Variants in SNAP91 observed in about 807,000 individuals in gnomAD.
The protein encoded by SNAP91 is synaptosome associated protein 91.
A neutral mutation model predicts 100.3 loss-of-function variants in SNAP91; 27 were observed. The ratio of observed to expected loss-of-function variants is 0.27; its 90% CI spans 0.20 to 0.37. SNAP91 has a LOEUF of 0.37. SNAP91 is among the 10% of genes least tolerant of loss of function. The probability of loss-of-function intolerance (pLI) is 1.00; values close to 1 mark genes in which losing one functional copy is unlikely to be tolerated. For synonymous variants in SNAP91, 404 were observed against 398.6 expected, an observed-to-expected ratio of 1.01 and a Z score of -0.16; for missense variants, 986 against 1,123.7, an observed-to-expected ratio of 0.88 and a Z score of 1.75.
chr6:83,665,919 T>C (rs1322229979), intron 2 of SNAP91, among the ~76,000 whole-genome samples: 1 of 152,128 alleles, frequency 6.6e-6, no homozygotes, highest in Non-Finnish European at 1.5e-5. Flanking sequence ...TCTTTGTTAC[T>C]GCTATAAGCA....
At chr6:83,659,452 T>A (rs2098486722) in intron 5 of SNAP91, among the ~76,000 whole-genome samples, 1 of 146,082 alleles carries the variant, frequency 6.8e-6, no homozygotes, top group Non-Finnish European at 1.5e-5. Flanking sequence ...TTTGAGACAG[T>A]CTCACTCTGT....
chr6:83,615,247 C>CA (rs1182634489), intron 10 of SNAP91, among the ~76,000 whole-genome samples: 2 of 152,090 alleles, frequency 1.3e-5, no homozygotes, highest in African/African-American at 2.4e-5. Context: ...ATAGATTTAA[C>CA]AAAAAACAAG....
chr6:83,582,716 CATAAT>C (rs1438542023), intron 22 of SNAP91, among the ~76,000 whole-genome samples: 1 of 152,170 alleles, frequency 6.6e-6, no homozygotes, highest in African/African-American at 2.4e-5. Flanking sequence ...TTCTTCAAAT[CATAAT>C]ATCCGGTTTC....
intron 11 of SNAP91, among the ~76,000 whole-genome samples, chr6:83,614,498 T>G (rs1053306347): frequency 6.6e-6 from 1 of 152,180 alleles, no homozygotes; most frequent in Non-Finnish European, 1.5e-5. Flanking sequence ...TTTAAGTAAT[T>G]AATTTTCTTT....
intron 21 of SNAP91, among the ~76,000 whole-genome samples, chr6:83,591,545 A>C (rs1468563748): frequency 6.6e-6 from 1 of 152,190 alleles, no homozygotes; most frequent in Non-Finnish European, 1.5e-5. Context: ...TTTTCTAAGA[A>C]TAAAATTTTT....
intron 11 of SNAP91, among the ~76,000 whole-genome samples, chr6:83,611,724 T>C (rs1340737609): frequency 6.6e-6 from 1 of 150,550 alleles, no homozygotes; most frequent in Non-Finnish European, 1.5e-5. Context: ...TGAGACGGAG[T>C]CTCACTCTGT....
intron 7 of SNAP91, among the ~76,000 whole-genome samples, chr6:83,653,115 G>A (rs139617330): frequency 1.5e-3 from 222 of 152,240 alleles, no homozygotes; most frequent in Admixed American, 0.012. Flanking sequence ...TCCTGGATAT[G>A]TGGTTTGATG....
rs138153699 is a variant in SNAP91, at chr6:83,681,547, T to C, written c.131-15966A>G. ...GAAGATTCATCTATAGTTTACAACATGACAAAGATTACTAGCCAGCTCAGA... is the reference window on the plus strand; with the variant it reads ...GAAGATTCATCTATAGTTTACAACACGACAAAGATTACTAGCCAGCTCAGA... On this transcript the variant is annotated intron_variant, in intron 2 of 29. Coordinates refer to ENST00000369694, the MANE Select transcript of SNAP91 (RefSeq NM_001242792.2). Among the ~76,000 whole-genome samples, 1,104 of 151,874 alleles carry C rather than the reference T, an allele frequency of 7.3e-3. 6 individuals are homozygous for C. Among genetic ancestry groups the C allele is most frequent in the African/African-American group, 0.025 (1,028 of 41,422 alleles).
intron 16 of SNAP91, 89 bp from the exon 17 acceptor site, chr6:83,594,570 G>C (rs1562263547): frequency 6.4e-6 from 5 of 779,008 alleles, no homozygotes; most frequent in Admixed American, 6.7e-5. Context: ...TGTGAAGAAG[G>C]CTCCCTTATA....
chr6:83,620,609 A>C (rs2128392451), intron 9 of SNAP91, among the ~76,000 whole-genome samples: 1 of 152,314 alleles, frequency 6.6e-6, no homozygotes, highest in Non-Finnish European at 1.5e-5. Flanking sequence ...GTTTAGCTCT[A>C]TGTCACTCAC....
chr6:83,635,109 T>C (rs1464293720), intron 8 of SNAP91, among the ~76,000 whole-genome samples: 4 of 152,146 alleles, frequency 2.6e-5, no homozygotes, highest in Non-Finnish European at 5.9e-5. Flanking sequence ...AGAACATACA[T>C]TCTGCGGTTG....
In SNAP91 at chr6:83,591,236, T is replaced by C. The variant is rs765522350; in HGVS notation, c.1989A>G (p.Ser663=). The C allele has an allele frequency of 1.9e-6, 3 of 1,612,254 alleles. No individual in the cohort carries two copies. The Admixed American group carries it at 5.0e-5, about 27-fold the overall frequency. ...PQPASQAASS[S]SASADLLAGF... is the part of the protein sequence containing the mutation. The stretch of plus-strand genomic sequence containing the variant: ...CAGCTAGTAGGTCTGCCGATGCTGA[T>C]GAACTAGAAGCAGCCTGAGATGCAG... The change falls in exon 22 of 30, where the codon TCA becomes TCG. Residue 663 remains serine, a synonymous_variant. Transcript: ENST00000369694.
At chr6:83,653,493 G>A (rs1459682114) in intron 7 of SNAP91, among the ~76,000 whole-genome samples, 1 of 152,022 alleles carries the variant, frequency 6.6e-6, no homozygotes, top group Non-Finnish European at 1.5e-5. Flanking sequence ...CCATCTCTCT[G>A]CTTACATTGC....
At chr6:83,685,012 T>C (rs2099041919) in intron 2 of SNAP91, among the ~76,000 whole-genome samples, 1 of 152,152 alleles carries the variant, frequency 6.6e-6, no homozygotes, top group African/African-American at 2.4e-5. Flanking sequence ...TTGTTAAAAT[T>C]CTCTTTAAAG....
In SNAP91 at chr6:83,591,204, T is replaced by G. The variant is rs370831877; in HGVS notation, c.2014+7A>C. On this transcript the variant is annotated splice_region_variant and intron_variant, in intron 22 of 29. Transcript: ENST00000369694. ...ACTTCTACAAAATACCATTTTAATT[T>G]AATTACCAGCTAGTAGGTCTGCCGA... 3 of 1,581,872 alleles carry G rather than the reference T, an allele frequency of 1.9e-6. No homozygotes were observed. The highest frequency in any genetic ancestry group is 2.6e-6 in the Non-Finnish European group (3 of 1,152,392).
chr6:83,658,115 T>C (rs936390900), intron 6 of SNAP91, among the ~76,000 whole-genome samples: 8 of 151,996 alleles, frequency 5.3e-5, no homozygotes, highest in African/African-American at 1.7e-4. Context: ...TATTTTAAGA[T>C]AACTCTAAAT....
At chr6:83,591,710 G>T (rs894759308) in intron 21 of SNAP91, among the ~76,000 whole-genome samples, 1 of 152,132 alleles carries the variant, frequency 6.6e-6, no homozygotes, top group Non-Finnish European at 1.5e-5. Context: ...GTACCTACAT[G>T]TCAAGGTTTA....
intron 16 of SNAP91, among the ~76,000 whole-genome samples, chr6:83,597,731 T>A (rs989216874): frequency 6.6e-6 from 1 of 152,180 alleles, no homozygotes; most frequent in African/African-American, 2.4e-5. Flanking sequence ...CCCATCTACT[T>A]TGGCCACATA....
intron 26 of SNAP91, among the ~76,000 whole-genome samples, chr6:83,562,908 C>T (rs1258555059): frequency 2.0e-5 from 3 of 152,176 alleles, no homozygotes; most frequent in Non-Finnish European, 4.4e-5. Flanking sequence ...GCATGCTGCC[C>T]TCTTCTCCCT....
Sources: allele counts gnomAD v4.1 joint callset (sites outside exome capture counted in the v4.1 genomes callset), GRCh38; gene constraint gnomAD v4.1.1; transcripts MANE v1.5; gene names NCBI Gene and HGNC (gene_info 2026-07-23, HGNC 2026-07-21).